Variants in ATXN1 observed in about 807,000 individuals in gnomAD.
The protein encoded by ATXN1 is ataxin-1.
ATXN1 carries 8 observed loss-of-function variants against 56.4 expected under a neutral mutation model. The ratio of observed to expected loss-of-function variants is 0.14; its 90% CI spans 0.08 to 0.26. The LOEUF (loss-of-function observed/expected upper bound fraction) is 0.26, where lower values mean the gene tolerates loss of function less well. Among genes scored for constraint, ATXN1 ranks in the 10% least tolerant of loss-of-function variants. The pLI, the probability that ATXN1 is intolerant of heterozygous loss-of-function variation, is 1.00. For synonymous variants in ATXN1, 514 were observed against 494.6 expected (o/e 1.04, Z -0.52); for missense variants, 987 against 1,106.5 (o/e 0.89, Z 1.53).
At chr6:16,331,463 TC>T (rs1236171515) in intron 6 of ATXN1, among the ~76,000 whole-genome samples, 2 of 152,228 alleles carry the variant, frequency 1.3e-5, no homozygotes, top group African/African-American at 4.8e-5. Context: ...CAAGGAAAAC[TC>T]ATGCGTGAGA....
chr6:16,477,436 G>A (rs1760348903), intron 6 of ATXN1, among the ~76,000 whole-genome samples: 1 of 152,210 alleles, frequency 6.6e-6, no homozygotes, highest in African/African-American at 2.4e-5. Flanking sequence ...AATGAGAGGA[G>A]AGCAATTAAG....
At chr6:16,334,958 G>C (rs1761083128) in intron 6 of ATXN1, among the ~76,000 whole-genome samples, 1 of 152,180 alleles carries the variant, frequency 6.6e-6, no homozygotes, top group Non-Finnish European at 1.5e-5. Flanking sequence ...GAAGCAATGA[G>C]AATGGTTAAA....
intron 6 of ATXN1, among the ~76,000 whole-genome samples, chr6:16,334,256 G>A (rs1317231753): frequency 6.6e-6 from 1 of 152,132 alleles, no homozygotes; most frequent in Non-Finnish European, 1.5e-5. Flanking sequence ...AGATCAATGA[G>A]AATAAATGTA....
intron 6 of ATXN1, among the ~76,000 whole-genome samples, chr6:16,454,272 C>T (rs1299759571): frequency 6.6e-6 from 1 of 151,956 alleles, no homozygotes; most frequent in Admixed American, 6.6e-5. Flanking sequence ...AGAGAGCTGA[C>T]CAGGAACTGA....
At chr6:16,586,745 G>A (rs1232454649) in intron 3 of ATXN1, among the ~76,000 whole-genome samples, 1 of 152,200 alleles carries the variant, frequency 6.6e-6, no homozygotes, top group Non-Finnish European at 1.5e-5. Flanking sequence ...CGGGGCTGGG[G>A]CATGGTGGCT....
At chr6:16,406,089 T>C (rs1029316841) in intron 6 of ATXN1, among the ~76,000 whole-genome samples, 1 of 152,220 alleles carries the variant, frequency 6.6e-6, no homozygotes, top group Non-Finnish European at 1.5e-5. Flanking sequence ...TAGCTGATTG[T>C]TCAACGTGAG....
intron 5 of ATXN1, among the ~76,000 whole-genome samples, chr6:16,497,365 G>GAGAAAGAA (rs1760799956): frequency 6.6e-6 from 1 of 151,754 alleles, no homozygotes; most frequent in African/African-American, 2.4e-5. Context: ...CAGAAAAAGA[G>GAGAAAGAA]AGAAAGAAAG....
chr6:16,628,254 G>A (rs1344521829), intron 3 of ATXN1, among the ~76,000 whole-genome samples: 1 of 152,040 alleles, frequency 6.6e-6, no homozygotes, highest in African/African-American at 2.4e-5. Flanking sequence ...TTTGATTTTT[G>A]GTTTATTTGT....
At chr6:16,723,842 G>A (rs1759794285) in intron 2 of ATXN1, among the ~76,000 whole-genome samples, 2 of 152,056 alleles carry the variant, frequency 1.3e-5, no homozygotes, top group Admixed American at 1.3e-4. Flanking sequence ...TTATCACAGT[G>A]TAACATTTCC....
chr6:16,651,234 A>G (rs529986971), intron 3 of ATXN1, among the ~76,000 whole-genome samples: 36 of 152,278 alleles, frequency 2.4e-4, no homozygotes, highest in African/African-American at 8.4e-4. Context: ...AAGAGTGGGT[A>G]AACTATCATA....
At chr6:16,727,589 C>T (rs1185136295) in intron 2 of ATXN1, among the ~76,000 whole-genome samples, 1 of 152,042 alleles carries the variant, frequency 6.6e-6, no homozygotes, top group African/African-American at 2.4e-5. Context: ...TAATGTAATA[C>T]AAATTATGTA....
chr6:16,611,123 G>C (rs1763098920), intron 3 of ATXN1, among the ~76,000 whole-genome samples: 1 of 152,110 alleles, frequency 6.6e-6, no homozygotes, highest in African/African-American at 2.4e-5. Flanking sequence ...TCCTTATTAA[G>C]AAAAGTTACA....
chr6:16,727,337 C>G (rs1419314437), intron 2 of ATXN1, among the ~76,000 whole-genome samples: 1 of 151,978 alleles, frequency 6.6e-6, no homozygotes, highest in South Asian at 2.1e-4. Flanking sequence ...ATAAATAATT[C>G]CAAAGTGAGG....
intron 7 of ATXN1, among the ~76,000 whole-genome samples, chr6:16,316,856 A>G (rs1698284250): frequency 1.7e-5 from 2 of 117,968 alleles, no homozygotes; most frequent in Non-Finnish European, 3.3e-5. Context: ...CAATAGAGAG[A>G]CTGCCTGTCT....
intron 6 of ATXN1, among the ~76,000 whole-genome samples, chr6:16,335,128 C>T (rs766647879): frequency 4.6e-5 from 7 of 152,182 alleles, no homozygotes; most frequent in Non-Finnish European, 8.8e-5. Context: ...ACTGTGATTC[C>T]ACTCTGTGTC....
rs1185546770 is a variant in ATXN1 at position 16,326,025 on chromosome 6, C to T, written c.1917+369G>A. On this transcript the variant is annotated intron_variant, in intron 7 of 7. Coordinates refer to ENST00000436367, the MANE Select transcript of ATXN1 (RefSeq NM_001128164.2). This position sits in a 1 kb window ranked among gnomAD's most constrained non-coding sequence, Gnocchi z 6.6. ...CTCCAACGGCATCCTCTGTCTTTTC[C>T]TGGTAAGAAAAAGTGCCGAATGACC... 6.6e-6 allele frequency among the ~76,000 whole-genome samples: 1 copy of T among 152,202 alleles called. No homozygotes were observed. The highest frequency in any genetic ancestry group is 1.5e-5 in the Non-Finnish European group (1 of 68,040).
chr6:16,349,731 T>C (rs1398825313), intron 6 of ATXN1, among the ~76,000 whole-genome samples: 1 of 151,950 alleles, frequency 6.6e-6, no homozygotes, highest in East Asian at 1.9e-4. Flanking sequence ...TACTCCACAC[T>C]AGTGCACTGA....
intron 6 of ATXN1, among the ~76,000 whole-genome samples, chr6:16,348,435 C>A (rs954408008): frequency 6.6e-6 from 1 of 152,066 alleles, no homozygotes; most frequent in South Asian, 2.1e-4. Context: ...CGGTGGCTCA[C>A]ACATATAATC....
Position 16,731,454 on chromosome 6 carries a change from C to CTTTTTTTTTT in ATXN1, c.-615+21769_-615+21778dup, listed in dbSNP as rs71559655. Among the ~76,000 whole-genome samples, 191 of 81,744 alleles carry CTTTTTTTTTT rather than the reference C, an allele frequency of 2.3e-3. 13 individuals carry two copies. The highest frequency in any genetic ancestry group is 3.2e-3 in the Non-Finnish European group (129 of 40,266). 53.6% of individuals were successfully genotyped at this position (81,744 alleles called of 152,430 possible). A position where few individuals can be genotyped will look rare whatever the true frequency, so the allele number is the denominator to read the frequency against. On this transcript the variant is annotated intron_variant, in intron 2 of 7. Coordinates refer to ENST00000436367, the MANE Select transcript of ATXN1 (RefSeq NM_001128164.2). ...ACGAGAGAGGCTTTTTTTTTCTTTT[C>CTTTTTTTTTT]TTTTTTTTTTTTTTTTTTTTTTTTT... is the stretch of plus-strand genomic sequence containing the variant.
Sources: allele counts gnomAD v4.1 joint callset (sites outside exome capture counted in the v4.1 genomes callset), GRCh38; gene constraint gnomAD v4.1.1; non-coding constraint Gnocchi (gnomAD v3.1); transcripts MANE v1.5; gene names NCBI Gene and HGNC (gene_info 2026-07-23, HGNC 2026-07-21).